Variants in EML6 observed in about 807,000 individuals in gnomAD.
EML6 encodes echinoderm microtubule-associated protein-like 6.
Under a neutral mutation model 240.1 loss-of-function variants are expected in EML6, and 154 were observed. The observed-to-expected ratio is 0.64, with a 90% confidence interval of 0.56 to 0.73. The LOEUF is 0.73. Among genes scored for constraint, EML6 ranks in the 30% least tolerant of loss-of-function variants. EML6 has a pLI of 0.00. For missense variants in EML6, 2,964 were observed against 2,474.6 expected (o/e 1.20, Z -4.20); for synonymous variants, 1,148 against 899.0 (o/e 1.28, Z -4.95).
intron 38 of EML6, 65 bp downstream of exon 38, chr2:54,964,798 T>C: frequency 2.7e-6 from 4 of 1,466,578 alleles, no homozygotes; most frequent in Non-Finnish European, 2.8e-6. Flanking sequence ...CAATGGCCTA[T>C]ATTAATCGAG....
At chr2:54,775,107 C>T (rs1490526646) in intron 2 of EML6, among the ~76,000 whole-genome samples, 2 of 152,190 alleles carry the variant, frequency 1.3e-5, no homozygotes, top group African/African-American at 4.8e-5. Flanking sequence ...AACTGGTGTG[C>T]CAGTTCCCAC....
At chr2:54,840,757 A>T (rs995777624) in intron 7 of EML6, among the ~76,000 whole-genome samples, 7 of 152,372 alleles carry the variant, frequency 4.6e-5, no homozygotes, top group African/African-American at 7.2e-5. Flanking sequence ...GGTATTGAGG[A>T]TATAGCAGTA....
intron 21 of EML6, among the ~76,000 whole-genome samples, chr2:54,896,078 A>ACTGGCCACCCT (rs1057075868): frequency 6.6e-6 from 1 of 152,200 alleles, no homozygotes; most frequent in South Asian, 2.1e-4. Flanking sequence ...GGTCACCGTC[A>ACTGGCCACCCT]CTGGCCACCC....
At chr2:54,914,405 C>A (rs1673799861) in intron 25 of EML6, among the ~76,000 whole-genome samples, 1 of 152,078 alleles carries the variant, frequency 6.6e-6, no homozygotes, top group Non-Finnish European at 1.5e-5. Context: ...TTAGTGCCCC[C>A]AAATAAGTAT....
intron 17 of EML6, among the ~76,000 whole-genome samples, chr2:54,884,552 G>A (rs2163618): frequency 0.87 from 132,880 of 152,196 alleles, 58,077 homozygotes; most frequent in East Asian, 0.89. Context: ...CTGGGCTGGC[G>A]GCCATCAAGT....
At chr2:54,919,619 T>G (rs991970074) in intron 26 of EML6, among the ~76,000 whole-genome samples, 19 of 152,226 alleles carry the variant, frequency 1.2e-4, no homozygotes, top group African/African-American at 4.3e-4. Context: ...GCCATTTTCC[T>G]TGCTATTTCT....
At chr2:54,937,640 G>C (rs570894094) in intron 28 of EML6, among the ~76,000 whole-genome samples, 2 of 146,778 alleles carry the variant, frequency 1.4e-5, no homozygotes, top group Non-Finnish European at 3.0e-5. Flanking sequence ...ACTTAGTGTA[G>C]TTTACTTTAT....
chr2:54,741,839 C>A (rs767882977), intron 2 of EML6, among the ~76,000 whole-genome samples: 1 of 152,206 alleles, frequency 6.6e-6, no homozygotes, highest in South Asian at 2.1e-4. Context: ...GAAGGCAAAG[C>A]TCTTCCTTGT....
intron 11 of EML6, among the ~76,000 whole-genome samples, chr2:54,857,670 G>T (rs867030094): frequency 1.3e-5 from 2 of 152,216 alleles, no homozygotes; most frequent in African/African-American, 4.8e-5. Flanking sequence ...TCAAAGAGGG[G>T]CTTGCTGTTG....
chr2:54,870,715 A>G (rs1323402335), intron 15 of EML6, among the ~76,000 whole-genome samples: 1 of 152,108 alleles, frequency 6.6e-6, no homozygotes, highest in East Asian at 1.9e-4. Context: ...TAAATCCCCA[A>G]GGAGTTACTG....
chr2:54,905,797 A>G (rs910005018), intron 24 of EML6, among the ~76,000 whole-genome samples: 4 of 152,236 alleles, frequency 2.6e-5, no homozygotes, highest in African/African-American at 7.2e-5. Flanking sequence ...TTGTCTTTCT[A>G]TAATGGGCTT....
chr2:54,878,236 C>T (rs17046435), intron 16 of EML6, among the ~76,000 whole-genome samples: 4,548 of 152,290 alleles, frequency 0.03, 79 homozygotes, highest in East Asian at 0.059. Context: ...TGCAGGTCTG[C>T]CTTTGAAAAT....
At chr2:54,806,853 CAG>C (rs1670522202) in intron 2 of EML6, among the ~76,000 whole-genome samples, 1 of 151,920 alleles carries the variant, frequency 6.6e-6, no homozygotes, top group African/African-American at 2.4e-5. Context: ...AACTGGGGCA[CAG>C]AGAGGTTGAG....
chr2:54,892,231 G>A (rs1421760739), intron 18 of EML6, among the ~76,000 whole-genome samples: 1 of 152,134 alleles, frequency 6.6e-6, no homozygotes, highest in Non-Finnish European at 1.5e-5. Context: ...CCAACAGTGA[G>A]CGCTGCACTT....
intron 9 of EML6, among the ~76,000 whole-genome samples, chr2:54,849,386 T>A (rs1669948002): frequency 6.6e-6 from 1 of 152,248 alleles, no homozygotes; most frequent in African/African-American, 2.4e-5. Context: ...CTGCAGTTTG[T>A]GCCCATTAAT....
At position 54,820,441 on chromosome 2, in the gene EML6, C is replaced by T. The variant is rs1668280403; in HGVS notation, c.504C>T (p.Ser168=). The T allele has an allele frequency of 6.5e-7, 1 of 1,548,606 alleles. No individual in the cohort carries two copies. Among genetic ancestry groups the T allele is most frequent in the South Asian group, 1.2e-5 (1 of 83,660 alleles). ...CATATCAGCCAAACAGAGTGGTTAG[C>T]TGTGGAGTAAAACACATAAAGGTAA... ...WDPYQPNRVV[S]CGVKHIKFWT... is the part of the protein sequence containing the mutation. The change falls in exon 5 of 42, where the codon AGC becomes AGT. Residue 168 remains serine, a synonymous_variant. Coordinates refer to ENST00000356458, the MANE Select transcript of EML6 (RefSeq NM_001039753.4).
At chr2:54,756,836 C>G (rs1667755545) in intron 2 of EML6, among the ~76,000 whole-genome samples, 1 of 151,976 alleles carries the variant, frequency 6.6e-6, no homozygotes, top group South Asian at 2.1e-4. Flanking sequence ...CCTACAAACT[C>G]CTGAGTCTCA....
rs901861395 is a variant in EML6 at position 54,957,697 on chromosome 2, C to T, written c.4487-93C>T. On this transcript the variant is annotated intron_variant, in intron 32 of 41. Coordinates refer to ENST00000356458, the MANE Select transcript of EML6 (RefSeq NM_001039753.4). ...TAAAGAAGAACTGAGGCATGGCTTACGCCTGCTGGGGTGGAGACCTCCTGG... is the reference window on the plus strand; with the variant it reads ...TAAAGAAGAACTGAGGCATGGCTTATGCCTGCTGGGGTGGAGACCTCCTGG... 6.0e-5 allele frequency: 66 copies of T among 1,103,228 alleles called. No individual in the cohort carries two copies. The East Asian group carries it at 1.4e-3, about 23-fold the overall frequency. 68.3% of individuals were successfully genotyped at this position (1,103,228 alleles called of 1,614,324 possible).
intron 28 of EML6, among the ~76,000 whole-genome samples, chr2:54,941,838 C>G: frequency 6.6e-6 from 1 of 152,258 alleles, no homozygotes; most frequent in South Asian, 2.1e-4. Context: ...TCATCCCACC[C>G]CTTCGTTCTG....
Sources: gnomAD v4.1 joint callset for allele counts (sites outside exome capture counted in the v4.1 genomes callset) on GRCh38, gnomAD v4.1.1 for gene constraint, MANE v1.5 for transcripts, NCBI Gene and HGNC (gene_info 2026-07-23, HGNC 2026-07-21) for gene names.